CLUL1: variants seen among roughly 807,000 people sequenced by gnomAD.
CLUL1 encodes clusterin-like protein 1.
A neutral mutation model predicts 49.4 loss-of-function variants in CLUL1; 43 were observed. That is an observed-to-expected ratio of 0.87 (90% CI 0.68 to 1.12). CLUL1 has a LOEUF of 1.12. CLUL1 is among the 50% of genes most tolerant of loss of function. The pLI is 0.00. For synonymous variants in CLUL1, 192 were observed against 184.9 expected, an observed-to-expected ratio of 1.04 and a Z score of -0.31; for missense variants, 486 against 544.4, an observed-to-expected ratio of 0.89 and a Z score of 1.07.
intron 9 of CLUL1, among the ~76,000 whole-genome samples, chr18:645,795 A>C (rs1396132513): frequency 5.4e-5 from 2 of 36,988 alleles, no homozygotes; most frequent in African/African-American, 2.4e-4. Flanking sequence ...CTCTGTTTAA[A>C]AAAAAAAAAA....
In CLUL1 at chr18:631,518, A is replaced by G. The variant is rs1452833735; in HGVS notation, c.857-1780A>G. ...GAAGTAGCTCCCTGGAAGGGTTCTG[A>G]GGTTCTGTCAAGGCTAGACTAAGCG... On this transcript the variant is annotated intron_variant, in intron 6 of 9. Coordinates refer to ENST00000692774, the MANE Select transcript of CLUL1 (RefSeq NM_001393344.1). Among the ~76,000 whole-genome samples, 7 of 152,202 alleles carry G rather than the reference A, an allele frequency of 4.6e-5. No individual in the cohort carries two copies. In the East Asian group the frequency reaches 1.4e-3, roughly 29 times the overall value.
chr18:607,541 C>T (rs182504502), intron 2 of CLUL1, among the ~76,000 whole-genome samples: 43 of 152,298 alleles, frequency 2.8e-4, no homozygotes, highest in East Asian at 1.5e-3. Context: ...TCGAGTGAGC[C>T]TTAGCCTCCT....
intron 9 of CLUL1, 135 bp from the exon 10 acceptor site, chr18:649,763 G>A (rs1335502775): frequency 3.1e-6 from 2 of 647,330 alleles, no homozygotes; most frequent in African/African-American, 1.8e-5. Context: ...GCTACATACA[G>A]TACCAATTTT....
chr18:641,515 A>G lies in CLUL1; in HGVS notation c.1183A>G (p.Thr395Ala), dbSNP rs201020833. Residue 395 changes from threonine to alanine, a missense_variant, in exon 8 of 10, where the codon ACA becomes GCA. Thr to Ala is a moderately conservative substitution (Grantham distance 58, BLOSUM62 0). Coordinates refer to ENST00000692774, the MANE Select transcript of CLUL1 (RefSeq NM_001393344.1). ...TGAACTGGCAAACCAGGCCCCAGAA[A>G]CAGAGATCATCTTTAATTCAATACA... ...VSELANQAPE[T>A]EIIFNSIQVV... 2.0e-5 allele frequency: 32 copies of G among 1,614,182 alleles called. No individual in the cohort carries two copies.
At chr18:648,969 T>C (rs2074597003) in intron 9 of CLUL1, among the ~76,000 whole-genome samples, 1 of 152,216 alleles carries the variant, frequency 6.6e-6, no homozygotes, top group South Asian at 2.1e-4. Context: ...CATTTCAATT[T>C]TTAAAATCTT....
intron 2 of CLUL1, among the ~76,000 whole-genome samples, chr18:607,809 A>G (rs1429135504): frequency 6.6e-6 from 1 of 151,956 alleles, no homozygotes; most frequent in Admixed American, 6.6e-5. Flanking sequence ...CGATCCTCCC[A>G]CCTCAGCCTC....
At chr18:635,695 T>C (rs964996258) in intron 7 of CLUL1, among the ~76,000 whole-genome samples, 8 of 152,002 alleles carry the variant, frequency 5.3e-5, no homozygotes, top group African/African-American at 9.7e-5. Flanking sequence ...CTTTCTCTCC[T>C]CAATCTAACA....
chr18:619,438 A>C lies in CLUL1; in HGVS notation c.255+77A>C. On this transcript the variant is annotated intron_variant, in intron 4 of 9. Coordinates refer to ENST00000692774, the MANE Select transcript of CLUL1 (RefSeq NM_001393344.1). ...ACTGCACTTGTTAGTGCGATTGATG[A>C]ATTACTTATTTTCCTTAGTAATAAA... The C allele has an allele frequency of 3.1e-6, 4 of 1,275,436 alleles. 1 individual carries two copies. The South Asian group carries it at 5.7e-5, about 18-fold the overall frequency. The allele number at this position is 1,275,436 out of a possible 1,614,324, so 79.0% of individuals were successfully genotyped here. A position where few individuals can be genotyped will look rare whatever the true frequency, so the allele number is the denominator to read the frequency against.
At chr18:616,708 G>A (rs778691191) in intron 2 of CLUL1, 100 of 983,566 alleles carry the variant, frequency 1.0e-4, no homozygotes, top group Non-Finnish European at 1.2e-4. Context: ...AGAGAAAAAC[G>A]AAGGTCCTTC....
chr18:610,717 T>C (rs1455878452), intron 2 of CLUL1, among the ~76,000 whole-genome samples: 1 of 152,030 alleles, frequency 6.6e-6, no homozygotes, highest in Non-Finnish European at 1.5e-5. Context: ...TAGTACGTAG[T>C]AGACACTCAG....
chr18:616,004 A>G (rs1723348595), intron 2 of CLUL1, among the ~76,000 whole-genome samples: 2 of 152,224 alleles, frequency 1.3e-5, no homozygotes, highest in African/African-American at 2.4e-5. Context: ...TGCTGAGTAC[A>G]TAGTAAGGAT....
intron 7 of CLUL1, among the ~76,000 whole-genome samples, chr18:635,457 T>A (rs550262919): frequency 6.6e-6 from 1 of 152,236 alleles, no homozygotes; most frequent in African/African-American, 2.4e-5. Flanking sequence ...CAGGCTGATA[T>A]GGGTCCGTGG....
intron 1 of CLUL1, among the ~76,000 whole-genome samples, chr18:604,666 A>AT (rs2072921264): frequency 6.6e-6 from 1 of 152,192 alleles, no homozygotes; most frequent in Admixed American, 6.5e-5. Flanking sequence ...GTGATGCAGA[A>AT]TTTTTTGCTC....
At chr18:639,280 T>A (rs1448056263) in intron 7 of CLUL1, among the ~76,000 whole-genome samples, 2 of 148,670 alleles carry the variant, frequency 1.3e-5, no homozygotes, top group Non-Finnish European at 3.0e-5. Context: ...CAAAAAAAAA[T>A]ATTAGCTGGT....
At chr18:605,882 C>T (rs1042302780) in intron 1 of CLUL1, among the ~76,000 whole-genome samples, 1 of 152,064 alleles carries the variant, frequency 6.6e-6, no homozygotes, top group African/African-American at 2.4e-5. Context: ...TGCCATGTTG[C>T]CTGAATGCCT....
intron 9 of CLUL1, 104 bp downstream of exon 9, chr18:645,201 C>A: frequency 2.3e-6 from 2 of 851,258 alleles, no homozygotes; most frequent in Non-Finnish European, 3.5e-6. Context: ...CATGTTTAAC[C>A]TCATTAATAA....
chr18:625,075 AC>A, intron 5 of CLUL1, 43 bp downstream of exon 5: 1 of 1,575,520 alleles, frequency 6.3e-7, no homozygotes, highest in Non-Finnish European at 8.7e-7. Flanking sequence ...TTCTTGAGGC[AC>A]CTATTTCAGC....
intron 1 of CLUL1, among the ~76,000 whole-genome samples, chr18:599,769 A>G (rs141492101): frequency 0.033 from 5,056 of 151,996 alleles, 320 homozygotes; most frequent in African/African-American, 0.11. Context: ...CATCTCTACT[A>G]AAAATACAAA....
At position 619,273 on chromosome 18, in the gene CLUL1, T is replaced by G; in HGVS notation, c.167T>G (p.Ile56Ser). The change falls in exon 4 of 10, where the codon ATT becomes AGT. Residue 56 changes from isoleucine (I) to serine (S), a missense_variant. Physicochemically the swap from Ile to Ser is moderately radical, Grantham distance 142. Coordinates refer to ENST00000692774, the MANE Select transcript of CLUL1 (RefSeq NM_001393344.1). ...DEEVKKALTG[I>S]KQMKIMMERK... ...GAGGTGAAGAAGGCTTTGACTGGTA[T>G]TAAGCAAATGAAAATCATGATGGAA... 6.2e-7 allele frequency: 1 copy of G among 1,613,974 alleles called. No homozygotes were observed. The highest frequency in any genetic ancestry group is 8.5e-7 in the Non-Finnish European group (1 of 1,179,932).
Sources: allele counts gnomAD v4.1 joint callset (sites outside exome capture counted in the v4.1 genomes callset), GRCh38; gene constraint gnomAD v4.1.1; transcripts MANE v1.5; gene names NCBI Gene and HGNC (gene_info 2026-07-23, HGNC 2026-07-21).